The following CFAP47 variants were observed in gnomAD, a reference collection of about 807,000 sequenced individuals.
CFAP47 encodes the protein cilia- and flagella-associated protein 47.
CFAP47 carries 29 observed loss-of-function variants against 148.1 expected under a neutral mutation model. That is an observed-to-expected ratio of 0.20 (90% CI 0.15 to 0.27). The LOEUF is 0.27. CFAP47 is among the 10% of genes least tolerant of loss of function. The pLI is 1.00. For synonymous variants in CFAP47, 664 were observed against 577.3 expected, an observed-to-expected ratio of 1.15 and a Z score of -2.15; for missense variants, 1,872 against 1,697.5, an observed-to-expected ratio of 1.10 and a Z score of -1.81.
chrX:36,126,611 C>T (rs1457107381), intron 33 of CFAP47, among the ~76,000 whole-genome samples: 1 of 111,798 alleles, frequency 8.9e-6, no homozygotes, highest in Non-Finnish European at 1.9e-5. Flanking sequence ...GGTATATACC[C>T]AGTAATGGGA....
chrX:36,057,490 G>T (rs1937563803), intron 26 of CFAP47, among the ~76,000 whole-genome samples: 1 of 111,700 alleles, frequency 9.0e-6, no homozygotes, highest in Non-Finnish European at 1.9e-5. Flanking sequence ...TCAATTTTGT[G>T]CTACACCTTC....
chrX:36,034,441 C>G (rs1369552080), intron 23 of CFAP47, among the ~76,000 whole-genome samples: 3 of 110,909 alleles, frequency 2.7e-5, no homozygotes, highest in African/African-American at 9.8e-5. Context: ...CAATTTTAGC[C>G]TACAATCAAG....
intron 26 of CFAP47, among the ~76,000 whole-genome samples, chrX:36,052,963 A>G (rs931624759): frequency 7.2e-5 from 8 of 111,320 alleles, no homozygotes; most frequent in Non-Finnish European, 1.9e-5. Context: ...GCATCACATA[A>G]AGGAGGCTAG....
chrX:36,274,395 G>A (rs930544779), intron 49 of CFAP47, among the ~76,000 whole-genome samples: 1 of 111,518 alleles, frequency 9.0e-6, no homozygotes, highest in Non-Finnish European at 1.9e-5. Context: ...TGGGAGTTAT[G>A]GCTGTATAAA....
intron 1 of CFAP47, among the ~76,000 whole-genome samples, chrX:35,923,208 T>A (rs1270198367): frequency 2.7e-5 from 3 of 111,324 alleles, no homozygotes; most frequent in Non-Finnish European, 5.6e-5. Flanking sequence ...GATATGTTTT[T>A]GAGTCTTCAC....
At chrX:36,262,844 G>A (rs1159959515) in intron 49 of CFAP47, among the ~76,000 whole-genome samples, 7 of 111,866 alleles carry the variant, frequency 6.3e-5, no homozygotes, top group Admixed American at 3.8e-4. Flanking sequence ...CAGTATATGA[G>A]GGTTCCCCTT....
Position 35,981,061 on chromosome X carries a change from A to G in CFAP47, c.2713+5148A>G, listed in dbSNP as rs1409384426. 2.7e-5 allele frequency among the ~76,000 whole-genome samples: 3 copies of G among 110,516 alleles called. No individual in the cohort carries two copies. The East Asian group carries it at 8.4e-4, about 31-fold the overall frequency. Reference sequence around the variant, plus strand: ...AAAAAGATATTGTTGAGATTGTAACATAAATATACAATAAATATAACATTA... The same window carrying G: ...AAAAAGATATTGTTGAGATTGTAACGTAAATATACAATAAATATAACATTA... On this transcript the variant is annotated intron_variant, in intron 15 of 63. Transcript: ENST00000378653.
chrX:36,285,484 C>G, intron 50 of CFAP47, 145 bp from the exon 51 acceptor site: 1 of 385,491 alleles, frequency 2.6e-6, no homozygotes, highest in African/African-American at 2.5e-5. Flanking sequence ...ATAAAAACAG[C>G]TTCTCACCCT....
chrX:36,053,803 C>G (rs1291411364), intron 26 of CFAP47, among the ~76,000 whole-genome samples: 1 of 111,907 alleles, frequency 8.9e-6, no homozygotes, highest in South Asian at 3.7e-4. Flanking sequence ...TACTTGTAGC[C>G]AAATGGTGGA....
chrX:36,004,874 A>C (rs1188752269), intron 21 of CFAP47, among the ~76,000 whole-genome samples: 1 of 111,530 alleles, frequency 9.0e-6, no homozygotes, highest in East Asian at 2.8e-4. Flanking sequence ...ATATCTCAAT[A>C]CAGCTGTTAG....
At chrX:36,043,992 C>A (rs1937435821) in intron 25 of CFAP47, among the ~76,000 whole-genome samples, 1 of 112,998 alleles carries the variant, frequency 8.8e-6, no homozygotes, top group African/African-American at 3.2e-5. Flanking sequence ...CTTCTGTGCA[C>A]CTGCAGGCCC....
chrX:36,218,367 G>T (rs1173575865), intron 45 of CFAP47, among the ~76,000 whole-genome samples: 1 of 111,349 alleles, frequency 9.0e-6, no homozygotes, highest in African/African-American at 3.3e-5. Context: ...TCCTTGAAAG[G>T]TCCCCTCCTA....
intron 40 of CFAP47, 113 bp downstream of exon 40, chrX:36,179,535 T>C (rs1939725516): frequency 3.7e-6 from 1 of 267,974 alleles, no homozygotes. Context: ...TCAAAATGTT[T>C]AATTTACCTA....
At chrX:36,297,445 C>G (rs187976509) in intron 51 of CFAP47, among the ~76,000 whole-genome samples, 1 of 112,484 alleles carries the variant, frequency 8.9e-6, no homozygotes, top group Non-Finnish European at 1.9e-5. Context: ...AATGCTCAAC[C>G]TTCTCCATTT....
chrX:36,324,185 A>C (rs1192125834), intron 57 of CFAP47, among the ~76,000 whole-genome samples: 2 of 112,017 alleles, frequency 1.8e-5, no homozygotes, highest in East Asian at 5.6e-4. Context: ...ATCCTTCTAC[A>C]AAGCTAATAA....
chrX:36,040,249 T>C (rs1203623736), intron 25 of CFAP47, among the ~76,000 whole-genome samples: 1 of 112,186 alleles, frequency 8.9e-6, no homozygotes, highest in African/African-American at 3.2e-5. Flanking sequence ...CAAATAATTA[T>C]AAAAGATTAA....
intron 49 of CFAP47, among the ~76,000 whole-genome samples, chrX:36,259,848 A>G (rs889451589): frequency 1.8e-5 from 2 of 111,260 alleles, no homozygotes; most frequent in Non-Finnish European, 3.8e-5. Flanking sequence ...TTGCCTTCCA[A>G]CCAATGCCCT....
At chrX:36,055,579 C>T (rs763786724) in intron 26 of CFAP47, among the ~76,000 whole-genome samples, 21 of 112,049 alleles carry the variant, frequency 1.9e-4, no homozygotes, top group African/African-American at 5.8e-4. Flanking sequence ...CGTTGATGGG[C>T]ATTTGAGTTG....
intron 39 of CFAP47, among the ~76,000 whole-genome samples, chrX:36,170,705 A>G (rs1939560689): frequency 9.3e-6 from 1 of 107,529 alleles, no homozygotes; most frequent in Non-Finnish European, 1.9e-5. Flanking sequence ...ATTGTTGGAC[A>G]TTTGGGTTGG....
Sources: allele counts gnomAD v4.1 joint callset (sites outside exome capture counted in the v4.1 genomes callset), GRCh38; gene constraint gnomAD v4.1.1; transcripts MANE v1.5; gene names NCBI Gene and HGNC (gene_info 2026-07-23, HGNC 2026-07-21).